Variants in SLC38A3 observed in about 807,000 individuals in gnomAD.
SLC38A3 encodes solute carrier family 38 member 3.
In SLC38A3, 17 loss-of-function variants were observed where a neutral mutation model predicts 59.5. The observed-to-expected ratio is 0.29, with a 90% CI of 0.20 to 0.43. The LOEUF is 0.43. Among genes scored for constraint, SLC38A3 ranks in the 20% least tolerant of loss-of-function variants. The pLI, the probability that SLC38A3 is intolerant of heterozygous loss-of-function variation, is 1.00. For missense variants in SLC38A3, 454 were observed against 653.9 expected, an observed-to-expected ratio of 0.69 and a Z score of 3.33; for synonymous variants, 238 against 260.3, an observed-to-expected ratio of 0.91 and a Z score of 0.82.
At chr3:50,211,568 C>CTTTTTTTTT (rs765148889) in intron 1 of SLC38A3, among the ~76,000 whole-genome samples, 13 of 81,208 alleles carry the variant, frequency 1.6e-4, no homozygotes, top group South Asian at 5.5e-4. Flanking sequence ...TGCCCCCATC[C>CTTTTTTTTT]TTTTTTTTTT....
chr3:50,214,137 G>C lies in SLC38A3; in HGVS notation c.-51-12G>C, dbSNP rs1023391862. On this transcript the variant is annotated splice_polypyrimidine_tract_variant and intron_variant, in intron 1 of 15. Transcript: ENST00000614032. This position sits in a 1 kb window ranked among gnomAD's most constrained non-coding sequence, Gnocchi z 6.0. ...GTAACGGGGCTAACCAGAGGGACCGGCTGCTCTGCAGACATCTGACTGTTG... is the reference window on the plus strand; with the variant it reads ...GTAACGGGGCTAACCAGAGGGACCGCCTGCTCTGCAGACATCTGACTGTTG... 1.3e-6 allele frequency: 2 copies of C among 1,513,212 alleles called. No homozygotes were observed. Among genetic ancestry groups the C allele is most frequent in the Admixed American group, 3.5e-5 (2 of 56,414 alleles). The allele number at this position is 1,513,212 out of a possible 1,614,324, so 93.7% of individuals were successfully genotyped here.
In SLC38A3 at chr3:50,218,047, G is replaced by T; in HGVS notation, c.935+51G>T. ...GGTGGGGATGCCCTGAGCTGGTTTG[G>T]GGAGAATGGATGTGGTCCTGAATGT... On this transcript the variant is annotated intron_variant, in intron 11 of 15. Coordinates refer to ENST00000614032, the MANE Select transcript of SLC38A3 (RefSeq NM_006841.6). The surrounding 1 kb of genome is among the most constrained non-coding windows in gnomAD (Gnocchi z 5.8). 1.3e-6 allele frequency: 2 copies of T among 1,560,208 alleles called. No homozygotes were observed. Among genetic ancestry groups the T allele is most frequent in the South Asian group, 1.1e-5 (1 of 89,286 alleles).
rs763352815 is a variant in SLC38A3, at chr3:50,217,744, C to T, written c.759C>T (p.Phe253=). 2.8e-5 allele frequency: 45 copies of T among 1,613,472 alleles called. No individual in the cohort carries two copies. The highest frequency in any genetic ancestry group is 3.8e-5 in the Non-Finnish European group (45 of 1,179,798). Reference sequence around the variant, plus strand: ...ACTTCAACAACACCACAGGCAACTTCAGCCACGTGGAGATCGTGAAGGAGA... The same window carrying T: ...ACTTCAACAACACCACAGGCAACTTTAGCCACGTGGAGATCGTGAAGGAGA... ...PPNFNNTTGN[F]SHVEIVKEKV... is the part of the protein sequence containing the mutation. Residue 253 remains phenylalanine, a synonymous_variant, in exon 10 of 16, where the codon TTC becomes TTT. Transcript: ENST00000614032. This position sits in a 1 kb window ranked among gnomAD's most constrained non-coding sequence, Gnocchi z 4.9.
rs372799035 is a variant in SLC38A3 at position 50,217,254 on chromosome 3, G to A, written c.565G>A (p.Gly189Arg). 22 of 1,613,048 alleles carry A rather than the reference G, an allele frequency of 1.4e-5. No homozygotes were observed. The highest frequency in any genetic ancestry group is 1.8e-5 in the Non-Finnish European group (21 of 1,179,474). Residue 189 changes from glycine (G) to arginine (R), a missense_variant, in exon 8 of 16, where the codon GGG becomes AGG. Gly to Arg is a moderately radical substitution (Grantham distance 125). Around this residue, in one of 3 missense-constraint regions of SLC38A3, gnomAD observed 390 missense variants for 557.9 expected, o/e 0.70. Transcript: ENST00000614032. This position sits in a 1 kb window ranked among gnomAD's most constrained non-coding sequence, Gnocchi z 4.9. ...EEKTSDWYMNGNYLVILVSVT... is the reference protein window; with the variant it reads ...EEKTSDWYMNRNYLVILVSVT... The stretch of plus-strand genomic sequence containing the variant: ...TCCCTGCAGGGACTGGTACATGAAC[G>A]GGAACTACCTGGTAATCCTTGTCTC...
intron 1 of SLC38A3, among the ~76,000 whole-genome samples, chr3:50,205,915 A>T (rs1699640264): frequency 6.6e-6 from 1 of 152,232 alleles, no homozygotes; most frequent in Non-Finnish European, 1.5e-5. Context: ...GCCGCGGGGT[A>T]CATGCTGGTC....
chr3:50,212,615 C>T (rs932482930), intron 1 of SLC38A3, among the ~76,000 whole-genome samples: 2 of 152,146 alleles, frequency 1.3e-5, no homozygotes, highest in African/African-American at 2.4e-5. Context: ...TCTCCAGGAT[C>T]CAGGTGCCAG....
chr3:50,214,068 C>A lies in SLC38A3; in HGVS notation c.-51-81C>A. ...CCCGAGTGACCATCTGGGAGGTGTG[C>A]TATGGCTGCAGGCCTCAGGTAGGAG... On this transcript the variant is annotated intron_variant, in intron 1 of 15. Coordinates refer to ENST00000614032, the MANE Select transcript of SLC38A3 (RefSeq NM_006841.6). This position sits in a 1 kb window ranked among gnomAD's most constrained non-coding sequence, Gnocchi z 6.0. The A allele has an allele frequency of 2.7e-6, 2 of 747,480 alleles. No individual in the cohort carries two copies. Among genetic ancestry groups the A allele is most frequent in the East Asian group, 5.4e-5 (2 of 37,178 alleles). 46.3% of individuals were successfully genotyped at this position (747,480 alleles called of 1,614,324 possible). A position where few individuals can be genotyped will look rare whatever the true frequency, so the allele number is the denominator to read the frequency against.
chr3:50,216,504 G>A (rs1293413254), intron 7 of SLC38A3, among the ~76,000 whole-genome samples: 1 of 152,238 alleles, frequency 6.6e-6, no homozygotes, highest in Non-Finnish European at 1.5e-5. Context: ...AGGCCCAGAT[G>A]CCAGAAGGAA....
Position 50,215,420 on chromosome 3 carries a change from T to C in SLC38A3, c.334T>C (p.Tyr112His). 1 of 1,614,014 alleles carries C rather than the reference T, an allele frequency of 6.2e-7. No individual in the cohort carries two copies. The highest frequency in any genetic ancestry group is 8.5e-7 in the Non-Finnish European group (1 of 1,179,886). The change falls in exon 5 of 16, where the codon TAC (tyrosine) becomes CAC (histidine). Residue 112 changes from tyrosine to histidine, a missense_variant. By Grantham distance (83) the Tyr-to-His change is moderately conservative (BLOSUM62 2). Coordinates refer to ENST00000614032, the MANE Select transcript of SLC38A3 (RefSeq NM_006841.6). The surrounding 1 kb of genome is among the most constrained non-coding windows in gnomAD (Gnocchi z 7.1). ...LLTAVALLSS[Y>H]SIHLLLKSSG... ...GACAGCTGTCGCCTTGCTCTCCAGC[T>C]ACTCCATCCACCTGCTACTCAAGTC...
At position 50,215,709 on chromosome 3, in the gene SLC38A3, A is replaced by G. The variant is rs1352370356; in HGVS notation, c.467-31A>G. On this transcript the variant is annotated intron_variant, in intron 6 of 15. Coordinates refer to ENST00000614032, the MANE Select transcript of SLC38A3 (RefSeq NM_006841.6). This position sits in a 1 kb window ranked among gnomAD's most constrained non-coding sequence, Gnocchi z 7.1. ...AAAGCTGGCTGGTTGGGCTGACCTC[A>G]GCGCCTGCCTGCCCGCCCCTCTCCC... 3 of 1,606,924 alleles carry G rather than the reference A, an allele frequency of 1.9e-6. No individual in the cohort carries two copies. In the East Asian group the frequency reaches 6.7e-5, roughly 36 times the overall value.
rs1699883399 is a variant in SLC38A3, at chr3:50,220,597, T to G, written c.*420T>G. 4.7e-6 allele frequency: 1 copy of G among 214,018 alleles called. No homozygotes were observed. The highest frequency in any genetic ancestry group is 2.3e-5 in the African/African-American group (1 of 44,102). The allele number at this position is 214,018 out of a possible 1,614,324, so 13.3% of individuals were successfully genotyped here. ...CCACGGTCTGCGCCCTGGGGCCTCA[T>G]CTCCCCCAGCCCACTTGTTTTCCCC... On this transcript the variant is annotated 3_prime_UTR_variant, in exon 16 of 16. Coordinates refer to ENST00000614032, the MANE Select transcript of SLC38A3 (RefSeq NM_006841.6).
rs759842322 is a variant in SLC38A3 at position 50,214,674 on chromosome 3, G to C, written c.205G>C (p.Gly69Arg). 1 of 1,611,548 alleles carries C rather than the reference G, an allele frequency of 6.2e-7. No homozygotes were observed. Among genetic ancestry groups the C allele is most frequent in the Non-Finnish European group, 8.5e-7 (1 of 1,178,238 alleles). The change falls in exon 4 of 16, where the codon GGG becomes CGG. Residue 69 changes from glycine (G) to arginine (R), a missense_variant. Around this residue, in one of 3 missense-constraint regions of SLC38A3, gnomAD observed 390 missense variants for 557.9 expected, o/e 0.70. Coordinates refer to ENST00000614032, the MANE Select transcript of SLC38A3 (RefSeq NM_006841.6). The surrounding 1 kb of genome is among the most constrained non-coding windows in gnomAD (Gnocchi z 6.0). ...FTDFEGKTSF[G>R]MSVFNLSNAI... is the part of the protein sequence containing the mutation. ...GCAGTTCGAGGGGAAGACATCATTC[G>C]GGATGTCAGTGTTCAACCTCAGCAA... is the stretch of plus-strand genomic sequence containing the variant.
Position 50,221,216 on chromosome 3 carries a change from G to A in SLC38A3, c.*1039G>A, listed in dbSNP as rs1699891709. 6.6e-6 allele frequency: 1 copy of A among 152,154 alleles called. No individual in the cohort carries two copies. The highest frequency in any genetic ancestry group is 2.4e-5 in the African/African-American group (1 of 41,430). The allele number at this position is 152,154 out of a possible 1,614,324, so 9.4% of individuals were successfully genotyped here. On this transcript the variant is annotated 3_prime_UTR_variant, in exon 16 of 16. Transcript: ENST00000614032. Reference sequence around the variant, plus strand: ...CCTGCTTTCTCACGGGTTGAGGTGGGGAGGAATTAATGAGGCCCCAGGAAG... The same window carrying A: ...CCTGCTTTCTCACGGGTTGAGGTGGAGAGGAATTAATGAGGCCCCAGGAAG...
intron 1 of SLC38A3, among the ~76,000 whole-genome samples, chr3:50,213,405 G>A (rs916533098): frequency 2.0e-5 from 3 of 152,200 alleles, no homozygotes; most frequent in Non-Finnish European, 2.9e-5. Flanking sequence ...ACAGAGAACT[G>A]GCCCTGGAGC....
chr3:50,218,295 ATCTCCAAC>A lies in SLC38A3; in HGVS notation c.962_969del (p.Ile321ThrfsTer40). 6.2e-7 allele frequency: 1 copy of A among 1,612,520 alleles called. No individual in the cohort carries two copies. Among genetic ancestry groups the A allele is most frequent in the Non-Finnish European group, 8.5e-7 (1 of 1,178,638 alleles). ...CCCCTCCAAGAAGAAGATGCAGCAC[ATCTCCAAC>A]CTGTCCATCGCTGTCATGTACATCA... On this transcript the variant is annotated frameshift_variant, in exon 12 of 16. Coordinates refer to ENST00000614032, the MANE Select transcript of SLC38A3 (RefSeq NM_006841.6). LOFTEE classifies it high-confidence loss of function. This position sits in a 1 kb window ranked among gnomAD's most constrained non-coding sequence, Gnocchi z 5.8.
Position 50,221,039 on chromosome 3 carries a change from A to C in SLC38A3, c.*862A>C, listed in dbSNP as rs1699888471. On this transcript the variant is annotated 3_prime_UTR_variant, in exon 16 of 16. Transcript: ENST00000614032. Reference sequence around the variant, plus strand: ...ATTCCTGGAAAGTGAGGTACGGGCCAGAACATGGATGGTGATGGAGGGCCC... The same window carrying C: ...ATTCCTGGAAAGTGAGGTACGGGCCCGAACATGGATGGTGATGGAGGGCCC... 1 of 152,318 alleles carries C rather than the reference A, an allele frequency of 6.6e-6. No individual in the cohort carries two copies. The highest frequency in any genetic ancestry group is 1.5e-5 in the Non-Finnish European group (1 of 68,108). The allele number at this position is 152,318 out of a possible 1,614,324, so 9.4% of individuals were successfully genotyped here.
intron 1 of SLC38A3, chr3:50,207,903 T>C (rs1699667581): frequency 6.6e-6 from 1 of 152,350 alleles, no homozygotes; most frequent in Non-Finnish European, 1.5e-5. Flanking sequence ...CACACGTGCA[T>C]GGCTGCTGGG....
Position 50,217,833 on chromosome 3 carries a change from A to T in SLC38A3, c.848A>T (p.Asn283Ile). 6.2e-7 allele frequency: 1 copy of T among 1,614,036 alleles called. No homozygotes were observed. Among genetic ancestry groups the T allele is most frequent in the African/African-American group, 1.3e-5 (1 of 75,056 alleles). Reference protein sequence around the residue: ...AFCTPSYFTLNSQTAYTIPIM... With the variant: ...AFCTPSYFTLISQTAYTIPIM... ...TGCACTCCCAGCTACTTCACGCTCA[A>T]CTCACAGGTTCTGACAGGTCAGGGC... Residue 283 changes from asparagine (N) to isoleucine (I), a missense_variant, in exon 10 of 16, where the codon AAC becomes ATC. Transcript: ENST00000614032. The surrounding 1 kb of genome is among the most constrained non-coding windows in gnomAD (Gnocchi z 4.9).
At position 50,215,689 on chromosome 3, in the gene SLC38A3, T is replaced by G; in HGVS notation, c.467-51T>G. 6.2e-7 allele frequency: 1 copy of G among 1,610,032 alleles called. No homozygotes were observed. The highest frequency in any genetic ancestry group is 8.5e-7 in the Non-Finnish European group (1 of 1,177,364). On this transcript the variant is annotated intron_variant, in intron 6 of 15. Coordinates refer to ENST00000614032, the MANE Select transcript of SLC38A3 (RefSeq NM_006841.6). The surrounding 1 kb of genome is among the most constrained non-coding windows in gnomAD (Gnocchi z 7.1). ...TAGGGAGGTGGACAGCCCTGAAAGC[T>G]GGCTGGTTGGGCTGACCTCAGCGCC...
Sources: gnomAD v4.1 joint callset for allele counts (sites outside exome capture counted in the v4.1 genomes callset) on GRCh38, gnomAD v4.1.1 for gene constraint, gnomAD v4.1.1 regional missense constraint, Gnocchi (gnomAD v3.1) non-coding constraint, MANE v1.5 for transcripts, NCBI Gene and HGNC (gene_info 2026-07-23, HGNC 2026-07-21) for gene names.